RFTN1: variants seen among roughly 807,000 people sequenced by gnomAD.
RFTN1 encodes the protein raftlin.
A neutral mutation model predicts 46.5 loss-of-function variants in RFTN1; 26 were observed. That is an observed-to-expected ratio of 0.56 (90% CI 0.41 to 0.78). RFTN1 has a LOEUF of 0.78. RFTN1 is among the 30% of genes least tolerant of loss of function. The probability of loss-of-function intolerance (pLI) is 0.00; values close to 1 mark genes in which losing one functional copy is unlikely to be tolerated. For missense variants in RFTN1, 693 were observed against 718.7 expected (o/e 0.96, Z 0.41); for synonymous variants, 261 against 284.2 (o/e 0.92, Z 0.82).
chr3:16,391,889 TTTTTG>T (rs560805278), intron 4 of RFTN1, among the ~76,000 whole-genome samples: 13,326 of 50,658 alleles, frequency 0.26, 1,125 homozygotes, highest in Non-Finnish European at 0.3. Context: ...TTTGTTTTTT[TTTTTG>T]TTTTTTTTAC....
At chr3:16,456,140 G>T (rs777031753) in intron 2 of RFTN1, among the ~76,000 whole-genome samples, 7 of 152,132 alleles carry the variant, frequency 4.6e-5, no homozygotes, top group Non-Finnish European at 8.8e-5. Context: ...CTTAATCCAA[G>T]AACAGCTAAT....
rs2075304852 is a variant in RFTN1 at position 16,427,223 on chromosome 3, C to A, written c.332+6628G>T. Among the ~76,000 whole-genome samples, 1 of 152,166 alleles carries A rather than the reference C, an allele frequency of 6.6e-6. No homozygotes were observed. The highest frequency in any genetic ancestry group is 6.5e-5 in the Admixed American group (1 of 15,280). On this transcript the variant is annotated intron_variant, in intron 3 of 9. Coordinates refer to ENST00000334133, the MANE Select transcript of RFTN1 (RefSeq NM_015150.2). The surrounding 1 kb of genome is among the most constrained non-coding windows in gnomAD (Gnocchi z 5.4). Reference sequence around the variant, plus strand: ...GCTTTTCTTGAAAAAAGTACAAGACCTGGCAACACCTGATAACCATAGGAC... The same window carrying A: ...GCTTTTCTTGAAAAAAGTACAAGACATGGCAACACCTGATAACCATAGGAC...
rs1575223732 is a variant in RFTN1 at position 16,400,090 on chromosome 3, G to A, written c.441+9285C>T. The stretch of plus-strand genomic sequence containing the variant: ...AATCATTCTCCAGCTGCTCCTGAAA[G>A]CCCTCCAGCAGCTTTGCACTACACT... On this transcript the variant is annotated intron_variant, in intron 4 of 9. Coordinates refer to ENST00000334133, the MANE Select transcript of RFTN1 (RefSeq NM_015150.2). This position sits in a 1 kb window ranked among gnomAD's most constrained non-coding sequence, Gnocchi z 4.5. 2.0e-5 allele frequency among the ~76,000 whole-genome samples: 3 copies of A among 152,234 alleles called. No individual in the cohort carries two copies. The highest frequency in any genetic ancestry group is 2.0e-4 in the Admixed American group (3 of 15,294).
At chr3:16,332,218 CT>C (rs1213029957) in intron 7 of RFTN1, among the ~76,000 whole-genome samples, 2 of 151,954 alleles carry the variant, frequency 1.3e-5, no homozygotes, top group South Asian at 4.2e-4. Context: ...TTTCTATCTT[CT>C]TTTTTTCTGG....
At chr3:16,358,382 A>ACTTATC (rs2072600874) in intron 6 of RFTN1, among the ~76,000 whole-genome samples, 1 of 152,142 alleles carries the variant, frequency 6.6e-6, no homozygotes, top group Non-Finnish European at 1.5e-5. Context: ...AGGGTAAAAC[A>ACTTATC]CAGTCATTTA....
intron 6 of RFTN1, among the ~76,000 whole-genome samples, chr3:16,364,246 T>C (rs372029418): frequency 3.0e-4 from 46 of 152,374 alleles, no homozygotes; most frequent in African/African-American, 1.1e-3. Flanking sequence ...GGAAGCACTC[T>C]GCCAGATGCA....
intron 4 of RFTN1, among the ~76,000 whole-genome samples, chr3:16,404,712 G>A (rs2074810002): frequency 6.6e-6 from 1 of 151,922 alleles, no homozygotes; most frequent in Admixed American, 6.6e-5. Context: ...GCCTCCTCCA[G>A]TCTCAGTTCC....
chr3:16,480,171 A>G lies in RFTN1; in HGVS notation c.145+13554T>C, dbSNP rs920949946. Among the ~76,000 whole-genome samples the G allele has an allele frequency of 2.0e-5, 3 of 152,240 alleles. No individual in the cohort carries two copies. Among genetic ancestry groups the G allele is most frequent in the African/African-American group, 7.2e-5 (3 of 41,458 alleles). ...GACAAGACTGCTTTCTCCAAAAAGA[A>G]AAGTCCACCCACAAGCTTGCCAGCT... On this transcript the variant is annotated intron_variant, in intron 2 of 9. Coordinates refer to ENST00000334133, the MANE Select transcript of RFTN1 (RefSeq NM_015150.2). The surrounding 1 kb of genome is among the most constrained non-coding windows in gnomAD (Gnocchi z 4.3).
chr3:16,354,956 G>A (rs918738231), intron 7 of RFTN1, among the ~76,000 whole-genome samples: 3 of 152,182 alleles, frequency 2.0e-5, no homozygotes, highest in East Asian at 1.9e-4. Flanking sequence ...TTATAATAAG[G>A]ATGGCCTTTC....
Position 16,321,195 on chromosome 3 carries a change from C to T in RFTN1, c.1332+2181G>A, listed in dbSNP as rs1047326117. 6.6e-6 allele frequency among the ~76,000 whole-genome samples: 1 copy of T among 152,108 alleles called. No homozygotes were observed. The highest frequency in any genetic ancestry group is 2.1e-4 in the South Asian group (1 of 4,814). ...GGAGGGGGACAGTCATAGGTTTCCT[C>T]GAGCCACAGGATGGATGGAGCTGGA... On this transcript the variant is annotated intron_variant, in intron 9 of 9. Coordinates refer to ENST00000334133, the MANE Select transcript of RFTN1 (RefSeq NM_015150.2). The surrounding 1 kb of genome is among the most constrained non-coding windows in gnomAD (Gnocchi z 4.8).
At chr3:16,464,995 C>T (rs184106137) in intron 2 of RFTN1, among the ~76,000 whole-genome samples, 1 of 152,310 alleles carries the variant, frequency 6.6e-6, no homozygotes, top group East Asian at 1.9e-4. Context: ...TGCTTCCCAT[C>T]ACAATGATTT....
intron 7 of RFTN1, among the ~76,000 whole-genome samples, chr3:16,332,424 T>G (rs954713786): frequency 3.9e-5 from 6 of 152,122 alleles, no homozygotes; most frequent in African/African-American, 9.7e-5. Flanking sequence ...CTTCTTTTTT[T>G]TTTTTACAGC....
chr3:16,422,335 A>C lies in RFTN1; in HGVS notation c.332+11516T>G, dbSNP rs963447416. On this transcript the variant is annotated intron_variant, in intron 3 of 9. Transcript: ENST00000334133. This position sits in a 1 kb window ranked among gnomAD's most constrained non-coding sequence, Gnocchi z 4.6. ...TACAAAAGTTATCAAGATCCTAAAA[A>C]AGAATAGTGCCCTGGCCGGGTGTGG... Among the ~76,000 whole-genome samples, 3 of 152,238 alleles carry C rather than the reference A, an allele frequency of 2.0e-5. No individual in the cohort carries two copies. Among genetic ancestry groups the C allele is most frequent in the African/African-American group, 4.8e-5 (2 of 41,464 alleles).
chr3:16,324,448 C>T (rs1325974787), intron 8 of RFTN1, among the ~76,000 whole-genome samples: 1 of 152,108 alleles, frequency 6.6e-6, no homozygotes, highest in African/African-American at 2.4e-5. Flanking sequence ...CGCCCCACTC[C>T]CCAGCCTCTG....
At position 16,316,968 on chromosome 3, in the gene RFTN1, C is replaced by G; in HGVS notation, c.1597G>C (p.Gly533Arg). The G allele has an allele frequency of 6.2e-7, 1 of 1,614,044 alleles. No individual in the cohort carries two copies. Among genetic ancestry groups the G allele is most frequent in the Non-Finnish European group, 8.5e-7 (1 of 1,180,022 alleles). Residue 533 changes from glycine to arginine, a missense_variant, in exon 10 of 10, where the codon GGT becomes CGT. Physicochemically the swap from Gly to Arg is moderately radical, Grantham distance 125. Coordinates refer to ENST00000334133, the MANE Select transcript of RFTN1 (RefSeq NM_015150.2). This position sits in a 1 kb window ranked among gnomAD's most constrained non-coding sequence, Gnocchi z 4.5. ...GGLLCGVGVE[G>R]EAVQNGPASH... is the part of the protein sequence containing the mutation. ...GCAGGACCATTCTGCACAGCCTCAC[C>G]CTCCACACCCACCCCACACAGCAGG... is the stretch of plus-strand genomic sequence containing the variant.
rs947610609 is a variant in RFTN1 at position 16,329,188 on chromosome 3, G to A, written c.1147-2312C>T. 1.9e-4 allele frequency among the ~76,000 whole-genome samples: 29 copies of A among 152,310 alleles called. No individual in the cohort carries two copies. The highest frequency in any genetic ancestry group is 2.2e-4 in the African/African-American group (9 of 41,566). On this transcript the variant is annotated intron_variant, in intron 7 of 9. Transcript: ENST00000334133. This position sits in a 1 kb window ranked among gnomAD's most constrained non-coding sequence, Gnocchi z 4.5. ...TTCTGCGCTTCCGCCTCGGGATGAC[G>A]CAGCAAGAAGGCCCTCACAAGATGC... is the stretch of plus-strand genomic sequence containing the variant.
rs776774622 is a variant in RFTN1, at chr3:16,341,201, T to G, written c.1147-14325A>C. ...GAACAACAGCAACTCTCGTTCACTG[T>G]GGTGGGGACGCAAAATAGTACAGCC... On this transcript the variant is annotated intron_variant, in intron 7 of 9. Transcript: ENST00000334133. The surrounding 1 kb of genome is among the most constrained non-coding windows in gnomAD (Gnocchi z 4.7). 5.3e-5 allele frequency among the ~76,000 whole-genome samples: 8 copies of G among 152,224 alleles called. No homozygotes were observed. Among genetic ancestry groups the G allele is most frequent in the Non-Finnish European group, 1.2e-4 (8 of 68,034 alleles).
intron 4 of RFTN1, among the ~76,000 whole-genome samples, chr3:16,395,199 T>C (rs570624507): frequency 1.3e-5 from 2 of 152,248 alleles, no homozygotes; most frequent in Non-Finnish European, 2.9e-5. Flanking sequence ...TTAAATGTTT[T>C]TCATGGGAAA....
At chr3:16,368,563 C>A (rs898454719) in intron 6 of RFTN1, among the ~76,000 whole-genome samples, 1 of 151,748 alleles carries the variant, frequency 6.6e-6, no homozygotes, top group Non-Finnish European at 1.5e-5. Flanking sequence ...CCCAGCTACT[C>A]GGGAGGCTGA....
Sources: allele counts gnomAD v4.1 joint callset (sites outside exome capture counted in the v4.1 genomes callset), GRCh38; gene constraint gnomAD v4.1.1; non-coding constraint Gnocchi (gnomAD v3.1); transcripts MANE v1.5; gene names NCBI Gene and HGNC (gene_info 2026-07-23, HGNC 2026-07-21).